Variants in COG3 observed in about 807,000 individuals in gnomAD.
The protein encoded by COG3 is component of oligomeric golgi complex 3.
Under a neutral mutation model 114.1 loss-of-function variants are expected in COG3, and 32 were observed. That is an observed-to-expected ratio of 0.28 (90% CI 0.21 to 0.38). The LOEUF is 0.38. Among genes scored for constraint, COG3 ranks in the 10% least tolerant of loss-of-function variants. COG3 has a pLI of 1.00. For missense variants in COG3, 813 were observed against 973.2 expected (o/e 0.84, Z 2.19); for synonymous variants, 352 against 365.7 (o/e 0.96, Z 0.43).
At chr13:45,484,966 G>A (rs1886491890) in intron 7 of COG3, among the ~76,000 whole-genome samples, 1 of 143,388 alleles carries the variant, frequency 7.0e-6, no homozygotes, top group African/African-American at 2.6e-5. Context: ...TTTTCTTAGT[G>A]CAGAACAAAA....
At chr13:45,533,434 T>A (rs903780781) in intron 22 of COG3, among the ~76,000 whole-genome samples, 2 of 152,158 alleles carry the variant, frequency 1.3e-5, no homozygotes, top group African/African-American at 4.8e-5. Context: ...TCTCATTTTT[T>A]CCCTTCCCTG....
chr13:45,485,368 C>G (rs1251904544), intron 7 of COG3, among the ~76,000 whole-genome samples: 2 of 4,220 alleles, frequency 4.7e-4, no homozygotes, highest in Non-Finnish European at 9.3e-4. Context: ...GGCAGAGGCG[C>G]CCCTCACCTC....
chr13:45,502,035 G>T (rs1869597461), intron 13 of COG3, among the ~76,000 whole-genome samples: 1 of 152,122 alleles, frequency 6.6e-6, no homozygotes, highest in Non-Finnish European at 1.5e-5. Context: ...AGGCAGTGGG[G>T]GCTGTTTCTT....
chr13:45,512,033 C>G, intron 16 of COG3, 179 bp downstream of exon 16: 2 of 581,630 alleles, frequency 3.4e-6, no homozygotes, highest in Non-Finnish European at 6.1e-6. Flanking sequence ...AAAGACTGTA[C>G]TATATAAGAG....
At chr13:45,479,785 A>C (rs1382966489) in intron 3 of COG3, among the ~76,000 whole-genome samples, 1 of 152,124 alleles carries the variant, frequency 6.6e-6, no homozygotes, top group African/African-American at 2.4e-5. Context: ...GAGGGAAGTG[A>C]TCTGAAGGAT....
intron 19 of COG3, among the ~76,000 whole-genome samples, chr13:45,522,322 T>C (rs1237109627): frequency 6.6e-6 from 1 of 152,184 alleles, no homozygotes; most frequent in African/African-American, 2.4e-5. Flanking sequence ...GTGTAGAGAA[T>C]ATTTTTAGAT....
Position 45,503,252 on chromosome 13 carries a change from A to T in COG3, c.1497A>T (p.Ala499=). ...PDKLVMMEQI[A]QSLKDEQKKV... is the part of the protein sequence containing the mutation. ...CTGATTTCTTTATACAGCAGATTGC[A>T]CAGAGTTTGAAAGATGAACAGAAGA... The change falls in exon 14 of 23, where the codon GCA becomes GCT. Residue 499 remains alanine, a synonymous_variant. Transcript: ENST00000349995. The T allele has an allele frequency of 1.3e-6, 2 of 1,566,728 alleles. No homozygotes were observed.
chr13:45,523,434 A>G (rs933320494), intron 19 of COG3, among the ~76,000 whole-genome samples: 1 of 152,144 alleles, frequency 6.6e-6, no homozygotes, highest in Non-Finnish European at 1.5e-5. Context: ...GTATACAGCA[A>G]TGTTATTGTG....
At chr13:45,511,718 TGTTTTGTC>T in intron 15 of COG3, 39 bp from the exon 16 acceptor site, 1 of 1,435,470 alleles carries the variant, frequency 7.0e-7, no homozygotes, top group Non-Finnish European at 9.8e-7. Flanking sequence ...CCTTTTTTTT[TGTTTTGTC>T]AAATGCCACA....
intron 13 of COG3, among the ~76,000 whole-genome samples, chr13:45,498,049 C>T (rs1192711490): frequency 6.6e-6 from 1 of 152,136 alleles, no homozygotes; most frequent in East Asian, 1.9e-4. Context: ...ATAATTATCA[C>T]ACCTAAAAAC....
Position 45,535,923 on chromosome 13 carries a change from A to T in COG3, c.*1192A>T. ...TTCAAACACTAGTCTAGAGGTGGAC[A>T]TTGTCAGGGGTTCTGGAATGGGACC... On this transcript the variant is annotated 3_prime_UTR_variant, in exon 23 of 23. Transcript: ENST00000349995. 1 of 978,192 alleles carries T rather than the reference A, an allele frequency of 1.0e-6. No homozygotes were observed. Among genetic ancestry groups the T allele is most frequent in the Non-Finnish European group, 1.2e-6 (1 of 821,562 alleles). The allele number at this position is 978,192 out of a possible 1,614,324, so 60.6% of individuals were successfully genotyped here.
At position 45,489,801 on chromosome 13, in the gene COG3, T is replaced by C. The variant is rs186081987; in HGVS notation, c.925-1114T>C. 1.7e-3 allele frequency among the ~76,000 whole-genome samples: 245 copies of C among 140,964 alleles called. 1 individual carries two copies. The highest frequency in any genetic ancestry group is 2.3e-4 in the Non-Finnish European group (15 of 65,280). 92.5% of individuals were successfully genotyped at this position (140,964 alleles called of 152,430 possible). A position where few individuals can be genotyped will look rare whatever the true frequency, so the allele number is the denominator to read the frequency against. On this transcript the variant is annotated intron_variant, in intron 8 of 22. Transcript: ENST00000349995. ...TAATTTGTTGGTTAGAATGTACTCC[T>C]AGCAAAAATTCCAATGGATTTTTTT...
At chr13:45,517,384 C>A (rs935812143) in intron 17 of COG3, among the ~76,000 whole-genome samples, 9 of 152,134 alleles carry the variant, frequency 5.9e-5, no homozygotes, top group African/African-American at 1.4e-4. Context: ...CATGATGATT[C>A]TTCTTAAAAC....
intron 1 of COG3, among the ~76,000 whole-genome samples, chr13:45,469,113 G>C (rs1211805131): frequency 6.6e-6 from 1 of 152,206 alleles, no homozygotes; most frequent in Non-Finnish European, 1.5e-5. Context: ...TTAGAACAAG[G>C]AAACAGGGAG....
At chr13:45,517,051 A>G (rs1790337011) in intron 17 of COG3, among the ~76,000 whole-genome samples, 1 of 152,190 alleles carries the variant, frequency 6.6e-6, no homozygotes, top group African/African-American at 2.4e-5. Context: ...TTTTTAAGAT[A>G]ATTGATCTTA....
chr13:45,467,746 C>T (rs1309705564), intron 1 of COG3, among the ~76,000 whole-genome samples: 1 of 152,034 alleles, frequency 6.6e-6, no homozygotes, highest in African/African-American at 2.4e-5. Flanking sequence ...TTTTTTTAGC[C>T]CTATACTACT....
intron 13 of COG3, among the ~76,000 whole-genome samples, chr13:45,501,050 A>G (rs1166403693): frequency 6.6e-6 from 1 of 152,228 alleles, no homozygotes; most frequent in African/African-American, 2.4e-5. Flanking sequence ...TTAAGGGTAC[A>G]GCCTTTCAAC....
intron 15 of COG3, among the ~76,000 whole-genome samples, chr13:45,510,969 C>T (rs1261495560): frequency 2.6e-5 from 4 of 152,154 alleles, no homozygotes; most frequent in Non-Finnish European, 5.9e-5. Flanking sequence ...AGAATAACAT[C>T]AAGTTGGAGA....
intron 1 of COG3, among the ~76,000 whole-genome samples, chr13:45,473,677 G>A (rs1008657081): frequency 5.9e-5 from 9 of 152,192 alleles, no homozygotes; most frequent in African/African-American, 1.9e-4. Context: ...CAATATGTCA[G>A]GTCTGTGCTA....
Sources: gnomAD v4.1 joint callset for allele counts (sites outside exome capture counted in the v4.1 genomes callset) on GRCh38, gnomAD v4.1.1 for gene constraint, MANE v1.5 for transcripts, NCBI Gene and HGNC (gene_info 2026-07-23, HGNC 2026-07-21) for gene names.